Variants in THADA observed in about 807,000 individuals in gnomAD.
The protein encoded by THADA is THADA armadillo repeat containing, also known as tRNA (32-2'-O)-methyltransferase regulator THADA.
Under a neutral mutation model 219.8 loss-of-function variants are expected in THADA, and 213 were observed. The ratio of observed to expected loss-of-function variants is 0.97; its 90% CI spans 0.87 to 1.09. The LOEUF (loss-of-function observed/expected upper bound fraction) is 1.09, where lower values mean the gene tolerates loss of function less well. THADA is among the 50% of genes least tolerant of loss of function. The pLI, the probability that THADA is intolerant of heterozygous loss-of-function variation, is 0.00. For synonymous variants in THADA, 1,018 were observed against 828.9 expected (o/e 1.23, Z -3.92); for missense variants, 2,956 against 2,311.3 (o/e 1.28, Z -5.72).
At chr2:43,553,745 C>T (rs570729181) in intron 17 of THADA, among the ~76,000 whole-genome samples, 9 of 152,274 alleles carry the variant, frequency 5.9e-5, no homozygotes, top group African/African-American at 1.9e-4. Flanking sequence ...ACAGTCTATG[C>T]GGGTTCCACT....
chr2:43,342,589 C>T (rs62137415), intron 30 of THADA, among the ~76,000 whole-genome samples: 11,576 of 152,278 alleles, frequency 0.076, 585 homozygotes, highest in South Asian at 0.18. Flanking sequence ...CCTGTGTTGG[C>T]CACTTGGCAA....
chr2:43,570,172 C>G (rs1699134905), intron 14 of THADA, among the ~76,000 whole-genome samples: 1 of 152,178 alleles, frequency 6.6e-6, no homozygotes. Context: ...CCACTAACGT[C>G]ATTCTGTAAC....
chr2:43,399,802 T>G (rs560769440), intron 28 of THADA, among the ~76,000 whole-genome samples: 174 of 152,190 alleles, frequency 1.1e-3, no homozygotes, highest in Non-Finnish European at 1.9e-3. Flanking sequence ...AATTGGCAAA[T>G]GCAGAAAAAT....
chr2:43,481,594 C>G (rs529674913), intron 26 of THADA, among the ~76,000 whole-genome samples: 2 of 152,326 alleles, frequency 1.3e-5, no homozygotes, highest in African/African-American at 2.4e-5. Context: ...ACTCACATCA[C>G]ATTGTACAGG....
At chr2:43,310,401 C>T (rs1677376662) in intron 31 of THADA, among the ~76,000 whole-genome samples, 1 of 152,060 alleles carries the variant, frequency 6.6e-6, no homozygotes, top group Non-Finnish European at 1.5e-5. Context: ...ATACATAGAT[C>T]AATGGAATAC....
At chr2:43,541,080 T>C in intron 21 of THADA, 79 bp downstream of exon 21, 1 of 1,364,458 alleles carries the variant, frequency 7.3e-7, no homozygotes, top group Non-Finnish European at 9.6e-7. Context: ...AAACCTTTTT[T>C]TAGAGTTGGG....
At chr2:43,415,970 T>G (rs1676918579) in intron 28 of THADA, among the ~76,000 whole-genome samples, 1 of 151,932 alleles carries the variant, frequency 6.6e-6, no homozygotes, top group South Asian at 2.1e-4. Flanking sequence ...GAAAAAAGGG[T>G]GGGGGGATAA....
intron 12 of THADA, among the ~76,000 whole-genome samples, chr2:43,572,513 T>C (rs1021808057): frequency 6.6e-6 from 1 of 152,210 alleles, no homozygotes; most frequent in Non-Finnish European, 1.5e-5. Flanking sequence ...ATCAGTCTCT[T>C]CTGAGCCTTC....
At chr2:43,491,356 TGC>T (rs1475518481) in intron 25 of THADA, among the ~76,000 whole-genome samples, 1 of 152,164 alleles carries the variant, frequency 6.6e-6, no homozygotes, top group African/African-American at 2.4e-5. Flanking sequence ...ATTAGGTTGG[TGC>T]AAAAGTAACC....
At chr2:43,268,299 T>C (rs1039078422) in intron 36 of THADA, among the ~76,000 whole-genome samples, 2 of 152,144 alleles carry the variant, frequency 1.3e-5, no homozygotes, top group African/African-American at 2.4e-5. Context: ...CATACAGACA[T>C]TCACATCCAA....
intron 30 of THADA, among the ~76,000 whole-genome samples, chr2:43,322,816 G>T (rs1185063387): frequency 1.3e-5 from 2 of 149,328 alleles, no homozygotes. Context: ...CTCCGGAGTA[G>T]CTGGGACTAC....
At chr2:43,530,182 A>G (rs1389297442) in intron 21 of THADA, among the ~76,000 whole-genome samples, 11 of 152,202 alleles carry the variant, frequency 7.2e-5, no homozygotes, top group African/African-American at 1.2e-4. Context: ...TTAGTATCCC[A>G]AAGAGTGACA....
intron 30 of THADA, among the ~76,000 whole-genome samples, chr2:43,332,667 T>C (rs758200859): frequency 5.9e-5 from 9 of 152,212 alleles, no homozygotes; most frequent in Admixed American, 1.3e-4. Context: ...ATTATGAGAA[T>C]GTGCTGAAGA....
intron 36 of THADA, among the ~76,000 whole-genome samples, chr2:43,266,220 C>G (rs556120628): frequency 6.6e-6 from 1 of 152,216 alleles, no homozygotes; most frequent in African/African-American, 2.4e-5. Context: ...ATCTCAAACC[C>G]CATGTCCACT....
intron 31 of THADA, among the ~76,000 whole-genome samples, chr2:43,314,439 G>A (rs181463733): frequency 6.6e-6 from 1 of 152,272 alleles, no homozygotes; most frequent in Admixed American, 6.5e-5. Context: ...CTTGGTAAAA[G>A]AAAATGTTCA....
chr2:43,509,364 G>A (rs898959137), intron 22 of THADA, among the ~76,000 whole-genome samples: 8 of 152,226 alleles, frequency 5.3e-5, no homozygotes, highest in East Asian at 3.9e-4. Context: ...TACATTAAGC[G>A]CTATCTTAGA....
chr2:43,406,836 C>A (rs1010658587), intron 28 of THADA, among the ~76,000 whole-genome samples: 1 of 152,196 alleles, frequency 6.6e-6, no homozygotes, highest in Admixed American at 6.6e-5. Flanking sequence ...CGGATCTACC[C>A]TCGGGGTTCT....
chr2:43,372,511 T>TG (rs35835592), intron 29 of THADA, among the ~76,000 whole-genome samples: 2,003 of 152,246 alleles, frequency 0.013, 21 homozygotes, highest in Non-Finnish European at 0.022. Flanking sequence ...CCATTAAACT[T>TG]GGAGTTCTAG....
At chr2:43,241,026 G>A (rs187776507) in intron 36 of THADA, among the ~76,000 whole-genome samples, 1 of 152,194 alleles carries the variant, frequency 6.6e-6, no homozygotes, top group East Asian at 1.9e-4. Flanking sequence ...ATCCCTACCT[G>A]GCCATGATAT....
Sources: gnomAD v4.1 joint callset for allele counts (sites outside exome capture counted in the v4.1 genomes callset) on GRCh38, gnomAD v4.1.1 for gene constraint, MANE v1.5 for transcripts, NCBI Gene and HGNC (gene_info 2026-07-23, HGNC 2026-07-21) for gene names.